The following ETV6 variants were observed in gnomAD, a reference collection of about 807,000 sequenced individuals.
ETV6 encodes transcription factor ETV6.
ETV6 carries 16 observed loss-of-function variants against 51.1 expected under a neutral mutation model. The observed-to-expected ratio is 0.31, with a 90% CI of 0.21 to 0.48. The LOEUF (loss-of-function observed/expected upper bound fraction) is 0.48, where lower values mean the gene tolerates loss of function less well. Among genes scored for constraint, ETV6 ranks in the 20% least tolerant of loss-of-function variants. The pLI is 0.99. For missense variants in ETV6, 458 were observed against 594.8 expected (o/e 0.77, Z 2.39); for synonymous variants, 240 against 224.1 (o/e 1.07, Z -0.64).
At chr12:11,676,992 A>G (rs1360884093) in intron 1 of ETV6, among the ~76,000 whole-genome samples, 1 of 152,250 alleles carries the variant, frequency 6.6e-6, no homozygotes, top group African/African-American at 2.4e-5. Flanking sequence ...TTGCTTATGC[A>G]GGGAAAACAA....
At chr12:11,707,380 G>T (rs527789259) in intron 1 of ETV6, among the ~76,000 whole-genome samples, 1 of 152,222 alleles carries the variant, frequency 6.6e-6, no homozygotes, top group Non-Finnish European at 1.5e-5. Flanking sequence ...TGTGGGAATC[G>T]CAGCGCTTCT....
intron 1 of ETV6, among the ~76,000 whole-genome samples, chr12:11,728,406 C>T (rs1186882657): frequency 6.6e-6 from 1 of 152,200 alleles, no homozygotes; most frequent in Admixed American, 6.5e-5. Flanking sequence ...CACCTGAGCT[C>T]CGCCTCCTGT....
At chr12:11,839,455 G>C in intron 3 of ETV6, 151 bp downstream of exon 3, 2 of 796,396 alleles carry the variant, frequency 2.5e-6, no homozygotes, top group Non-Finnish European at 3.9e-6. Flanking sequence ...GGAAGATTAT[G>C]CTAGCATGAG....
At chr12:11,762,520 C>T (rs528385599) in intron 2 of ETV6, among the ~76,000 whole-genome samples, 4 of 152,204 alleles carry the variant, frequency 2.6e-5, no homozygotes, top group Middle Eastern at 3.4e-3. Context: ...TAGCCGGCTC[C>T]GTAGCACATG....
At chr12:11,764,223 G>A (rs145525737) in intron 2 of ETV6, among the ~76,000 whole-genome samples, 6 of 151,872 alleles carry the variant, frequency 4.0e-5, no homozygotes, top group South Asian at 2.1e-4. Flanking sequence ...TGGCCAGCAC[G>A]GAGTGGGTAG....
chr12:11,829,585 C>T (rs3020817), intron 2 of ETV6, among the ~76,000 whole-genome samples: 34,382 of 152,128 alleles, frequency 0.23, 4,032 homozygotes, highest in East Asian at 0.39. Context: ...TGAGGCTGAG[C>T]GGCAAGCTCT....
intron 2 of ETV6, among the ~76,000 whole-genome samples, chr12:11,776,406 AT>A (rs1005772452): frequency 0.016 from 2,361 of 147,026 alleles, 53 homozygotes; most frequent in African/African-American, 0.053. Context: ...CTGGCAGGGA[AT>A]TTTTTTTTTT....
chr12:11,765,136 A>G (rs542109754), intron 2 of ETV6, among the ~76,000 whole-genome samples: 1 of 152,364 alleles, frequency 6.6e-6, no homozygotes, highest in East Asian at 1.9e-4. Flanking sequence ...AAGCTACCCC[A>G]CAGAAAACAT....
At chr12:11,671,400 T>A (rs1266665568) in intron 1 of ETV6, among the ~76,000 whole-genome samples, 1 of 152,132 alleles carries the variant, frequency 6.6e-6, no homozygotes, top group Non-Finnish European at 1.5e-5. Flanking sequence ...TAGAAAGAAA[T>A]GAGATGTGAT....
At chr12:11,733,622 A>G (rs1445960555) in intron 1 of ETV6, among the ~76,000 whole-genome samples, 1 of 152,098 alleles carries the variant, frequency 6.6e-6, no homozygotes, top group Non-Finnish European at 1.5e-5. Flanking sequence ...CATTCTGACA[A>G]CTCACACTAG....
chr12:11,872,487 T>C (rs1021470313), intron 5 of ETV6, among the ~76,000 whole-genome samples: 8 of 123,372 alleles, frequency 6.5e-5, no homozygotes, highest in Non-Finnish European at 1.3e-4. Context: ...CTCTTAAAAT[T>C]ATATTACTTT....
rs1220168135 is a variant in ETV6, at chr12:11,891,596, G to A, written c.*550G>A. On this transcript the variant is annotated 3_prime_UTR_variant, in exon 8 of 8. Coordinates refer to ENST00000396373, the MANE Select transcript of ETV6 (RefSeq NM_001987.5). ...TCTGTTCCTGTTACTGTTGGGTCTT[G>A]GCTGAAAAAAAAAAATGCTTTTAAA... The A allele has an allele frequency of 1.9e-6, 1 of 529,660 alleles. No homozygotes were observed. The highest frequency in any genetic ancestry group is 3.9e-5 in the East Asian group (1 of 25,676). The allele number at this position is 529,660 out of a possible 1,614,324, so 32.8% of individuals were successfully genotyped here.
intron 1 of ETV6, among the ~76,000 whole-genome samples, chr12:11,660,081 A>G (rs151196150): frequency 7.1e-4 from 108 of 152,370 alleles, no homozygotes; most frequent in African/African-American, 2.4e-3. Flanking sequence ...ACACAAAAGA[A>G]AAATGTTTGA....
intron 1 of ETV6, among the ~76,000 whole-genome samples, chr12:11,740,926 T>G (rs1865795110): frequency 6.6e-6 from 1 of 152,222 alleles, no homozygotes; most frequent in African/African-American, 2.4e-5. Context: ...TCTTAGCCCT[T>G]CAACCTCAAT....
rs1397436507 is a variant in ETV6, at chr12:11,759,813, T to C, written c.163+7234T>C. ...CTTCTCTAAGTTACTTCTCACCTCC[T>C]CTGATTATCAGAAAGCATTGGTTGA... On this transcript the variant is annotated intron_variant, in intron 2 of 7. Coordinates refer to ENST00000396373, the MANE Select transcript of ETV6 (RefSeq NM_001987.5). 2.0e-5 allele frequency among the ~76,000 whole-genome samples: 3 copies of C among 152,206 alleles called. No individual in the cohort carries two copies. The East Asian group carries it at 5.8e-4, about 29-fold the overall frequency.
intron 1 of ETV6, among the ~76,000 whole-genome samples, chr12:11,651,867 C>T (rs1863913286): frequency 6.6e-6 from 1 of 152,138 alleles, no homozygotes; most frequent in African/African-American, 2.4e-5. Context: ...CTTTCTGTGA[C>T]GTTTCTTGAT....
intron 1 of ETV6, among the ~76,000 whole-genome samples, chr12:11,742,045 A>G (rs75670860): frequency 6.6e-6 from 1 of 152,344 alleles, no homozygotes; most frequent in African/African-American, 2.4e-5. Flanking sequence ...GCTGATCTTG[A>G]GTGCATATTT....
At chr12:11,778,095 G>T (rs2136363475) in intron 2 of ETV6, among the ~76,000 whole-genome samples, 1 of 152,320 alleles carries the variant, frequency 6.6e-6, no homozygotes, top group Middle Eastern at 3.4e-3. Flanking sequence ...TCAAATAGCA[G>T]AAAATGCACC....
chr12:11,681,718 C>T (rs1864534072), intron 1 of ETV6, among the ~76,000 whole-genome samples: 2 of 152,170 alleles, frequency 1.3e-5, no homozygotes, highest in Admixed American at 6.5e-5. Flanking sequence ...TGCTATTTCT[C>T]TCCTAGCCCC....
Sources: allele counts gnomAD v4.1 joint callset (sites outside exome capture counted in the v4.1 genomes callset), GRCh38; gene constraint gnomAD v4.1.1; transcripts MANE v1.5; gene names NCBI Gene and HGNC (gene_info 2026-07-23, HGNC 2026-07-21).